Variants in XYLB observed in about 807,000 individuals in gnomAD.
XYLB encodes xylulokinase, also known as xylulose kinase.
In XYLB, 62 loss-of-function variants were observed where a neutral mutation model predicts 78.7. That is an observed-to-expected ratio of 0.79 (90% CI 0.64 to 0.97). The LOEUF (loss-of-function observed/expected upper bound fraction) is 0.97, where lower values mean the gene tolerates loss of function less well. Ranked by LOEUF, XYLB falls within the 50% of genes least tolerant of loss-of-function variation. The probability of loss-of-function intolerance (pLI) is 0.00; values close to 1 mark genes in which losing one functional copy is unlikely to be tolerated. For synonymous variants in XYLB, 245 were observed against 247.4 expected (o/e 0.99, Z 0.09); for missense variants, 687 against 676.8 (o/e 1.02, Z -0.17).
In XYLB at chr3:38,395,527, C is replaced by T. The variant is rs764889977; in HGVS notation, c.1314C>T (p.Ala438=). Residue 438 remains alanine, a synonymous_variant, in exon 16 of 19, where the codon GCC becomes GCT. Transcript: ENST00000207870. The part of the protein sequence containing the change: ...YRVMSKTKIL[A]TGGASHNREI... ...CAGTGTCCAAGACAAAGATTTTGGC[C>T]ACAGGAGGAGCATCTCACAATAGAG... 6.2e-7 allele frequency: 1 copy of T among 1,614,144 alleles called. No homozygotes were observed. The highest frequency in any genetic ancestry group is 1.1e-5 in the South Asian group (1 of 91,080).
At chr3:38,438,787 G>T in the XYLB span, among the ~76,000 whole-genome samples, 303 of 152,266 alleles carry the variant, frequency 2.0e-3, 1 homozygote, top group African/African-American at 7.1e-3. Context: ...ATTTGTCCCT[G>T]CCCCTGTCCT....
chr3:38,449,635 C>T, the XYLB span, among the ~76,000 whole-genome samples: 3,841 of 152,284 alleles, frequency 0.025, 169 homozygotes, highest in African/African-American at 0.086. Context: ...TCTTCCCAGT[C>T]TGGTAGAAGT....
At chr3:38,443,927 C>G in the XYLB span, among the ~76,000 whole-genome samples, 2 of 152,164 alleles carry the variant, frequency 1.3e-5, no homozygotes, top group Non-Finnish European at 2.9e-5. Context: ...CGACACCAGT[C>G]CCCATGATCT....
At chr3:38,448,145 G>C in the XYLB span, among the ~76,000 whole-genome samples, 1 of 151,168 alleles carries the variant, frequency 6.6e-6, no homozygotes, top group African/African-American at 2.4e-5. Context: ...GGCACAACAA[G>C]ACAAATATAT....
At chr3:38,404,858 G>A (rs1384062065) in intron 18 of XYLB, among the ~76,000 whole-genome samples, 3 of 152,124 alleles carry the variant, frequency 2.0e-5, no homozygotes, top group Non-Finnish European at 4.4e-5. Context: ...TAACTTTGGA[G>A]CAAATTAAAC....
In XYLB at chr3:38,397,967, T is replaced by C. The variant is rs551581751; in HGVS notation, c.1438+808T>C. 2.7e-3 allele frequency among the ~76,000 whole-genome samples: 413 copies of C among 151,214 alleles called. 4 individuals are homozygous for C. Among genetic ancestry groups the C allele is most frequent in the African/African-American group, 9.7e-3 (402 of 41,298 alleles). On this transcript the variant is annotated intron_variant, in intron 17 of 18. Transcript: ENST00000207870. ...CCGAGTAGGTGGGACTACAGGTGCCTGCCACCATGCCCAGCTAATTTTTTG... is the reference window on the plus strand; with the variant it reads ...CCGAGTAGGTGGGACTACAGGTGCCCGCCACCATGCCCAGCTAATTTTTTG...
At chr3:38,358,632 C>T (rs958564239) in intron 2 of XYLB, among the ~76,000 whole-genome samples, 1 of 152,050 alleles carries the variant, frequency 6.6e-6, no homozygotes, top group African/African-American at 2.4e-5. Flanking sequence ...GTATGAGCCA[C>T]CGTGCCCAGC....
intron 18 of XYLB, among the ~76,000 whole-genome samples, chr3:38,403,809 A>C (rs1165585967): frequency 6.6e-6 from 1 of 152,092 alleles, no homozygotes; most frequent in Non-Finnish European, 1.5e-5. Context: ...TCTGAGCTGT[A>C]TGTGCCTCAT....
chr3:38,425,573 A>G (rs774967448), downstream of XYLB, among the ~76,000 whole-genome samples: 17 of 152,256 alleles, frequency 1.1e-4, no homozygotes, highest in Non-Finnish European at 2.2e-4. Context: ...TACAGAAACC[A>G]GCTTCAAAGA....
rs764331759 is a variant in XYLB at position 38,370,070 on chromosome 3, T to C, written c.661T>C (p.Leu221=). Residue 221 remains leucine, a synonymous_variant, in exon 9 of 19, where the codon TTG becomes CTG. Transcript: ENST00000207870. Reference sequence around the variant, plus strand: ...TCCTTCCTCAGGTTCTGGAATGAATTTGTTGCAGATACAGGATAAAGTCTG... The same window carrying C: ...TCCTTCCTCAGGTTCTGGAATGAATCTGTTGCAGATACAGGATAAAGTCTG... ...IDYSDGSGMN[L]LQIQDKVWSQ... 3 of 1,614,154 alleles carry C rather than the reference T, an allele frequency of 1.9e-6. No individual in the cohort carries two copies.
chr3:38,435,297 C>T, the XYLB span, among the ~76,000 whole-genome samples: 4 of 152,056 alleles, frequency 2.6e-5, no homozygotes, highest in African/African-American at 4.8e-5. Flanking sequence ...TATTATACTA[C>T]ATAAAACAGA....
At chr3:38,347,912 T>G (rs553286808) in intron 1 of XYLB, among the ~76,000 whole-genome samples, 2 of 152,306 alleles carry the variant, frequency 1.3e-5, no homozygotes, top group South Asian at 4.1e-4. Context: ...TATACACAGT[T>G]GCAGTCAAAC....
chr3:38,365,489 A>G (rs1706204115), intron 5 of XYLB, 119 bp from the exon 6 acceptor site: 1 of 1,511,648 alleles, frequency 6.6e-7, no homozygotes, highest in Non-Finnish European at 8.9e-7. Flanking sequence ...GTCTCCAACC[A>G]AGGTCACCTG....
chr3:38,438,110 G>A, the XYLB span, among the ~76,000 whole-genome samples: 19 of 152,062 alleles, frequency 1.2e-4, no homozygotes, highest in Non-Finnish European at 2.8e-4. Flanking sequence ...TGCACCTGTA[G>A]TCCCAGCTAC....
At chr3:38,450,356 T>G in the XYLB span, among the ~76,000 whole-genome samples, 2 of 152,262 alleles carry the variant, frequency 1.3e-5, no homozygotes, top group Non-Finnish European at 2.9e-5. Flanking sequence ...ATGCCAAGTC[T>G]TATTACAATG....
At chr3:38,409,363 A>G (rs1474616761) in intron 18 of XYLB, among the ~76,000 whole-genome samples, 1 of 152,208 alleles carries the variant, frequency 6.6e-6, no homozygotes, top group East Asian at 1.9e-4. Context: ...CTCTCAATAA[A>G]TTAGGTATTG....
chr3:38,372,858 A>G (rs1044757178), intron 10 of XYLB, 122 bp downstream of exon 10: 2 of 1,074,468 alleles, frequency 1.9e-6, no homozygotes, highest in Non-Finnish European at 2.8e-6. Flanking sequence ...ACCCCCACCC[A>G]TGCTGGATGT....
intron 10 of XYLB, 55 bp downstream of exon 10, chr3:38,372,791 A>G (rs1168545238): frequency 6.3e-7 from 1 of 1,580,516 alleles, no homozygotes; most frequent in Admixed American, 1.7e-5. Context: ...TCCATGCTGG[A>G]TGTTTGAGAA....
intron 3 of XYLB, among the ~76,000 whole-genome samples, chr3:38,362,727 A>AT (rs1242231981): frequency 1.3e-5 from 2 of 152,240 alleles, no homozygotes; most frequent in Admixed American, 6.5e-5. Context: ...TATTTAAAAT[A>AT]TTTTTAGCAT....
Sources: allele counts gnomAD v4.1 joint callset (sites outside exome capture counted in the v4.1 genomes callset), GRCh38; gene constraint gnomAD v4.1.1; transcripts MANE v1.5; gene names NCBI Gene and HGNC (gene_info 2026-07-23, HGNC 2026-07-21).